The following KCNAB1 variants were observed in gnomAD, a reference collection of about 807,000 sequenced individuals.
The protein encoded by KCNAB1 is voltage-gated potassium channel subunit beta-1.
A neutral mutation model predicts 64.6 loss-of-function variants in KCNAB1; 35 were observed. The ratio of observed to expected loss-of-function variants is 0.54; its 90% CI spans 0.41 to 0.72. The LOEUF is 0.72. Among genes scored for constraint, KCNAB1 ranks in the 30% least tolerant of loss-of-function variants. KCNAB1 has a pLI of 0.00. For synonymous variants in KCNAB1, 177 were observed against 183.8 expected, an observed-to-expected ratio of 0.96 and a Z score of 0.30; for missense variants, 401 against 512.9, an observed-to-expected ratio of 0.78 and a Z score of 2.11.
chr3:156,256,000 A>G (rs1351235778), intron 1 of KCNAB1, among the ~76,000 whole-genome samples: 1 of 152,232 alleles, frequency 6.6e-6, no homozygotes, highest in Admixed American at 6.5e-5. Flanking sequence ...GTAGGTGTTC[A>G]GTAAATATAT....
At chr3:156,273,744 A>G (rs1257902885) in intron 1 of KCNAB1, 3 of 438,848 alleles carry the variant, frequency 6.8e-6, no homozygotes, top group Non-Finnish European at 1.4e-5. Context: ...TAGTTGTCAG[A>G]TTTGGTGTTC....
chr3:156,399,517 C>T (rs987511832), intron 1 of KCNAB1, among the ~76,000 whole-genome samples: 1 of 152,062 alleles, frequency 6.6e-6, no homozygotes. Context: ...AACTAAATTA[C>T]AATGCAAGCA....
chr3:156,457,322 A>C, intron 3 of KCNAB1, 131 bp from the exon 4 acceptor site: 1 of 1,491,660 alleles, frequency 6.7e-7, no homozygotes, highest in East Asian at 2.4e-5. Context: ...TTCCCTCTCC[A>C]CTAAAACTAA....
At chr3:156,512,140 C>A (rs1717254910) in intron 8 of KCNAB1, among the ~76,000 whole-genome samples, 1 of 152,196 alleles carries the variant, frequency 6.6e-6, no homozygotes, top group Non-Finnish European at 1.5e-5. Flanking sequence ...TTTATAATGA[C>A]TTACTTGTTT....
At chr3:156,120,411 G>A (rs1051618826), upstream of KCNAB1, 2 of 647,558 alleles carry the variant, frequency 3.1e-6, no homozygotes, top group Non-Finnish European at 5.4e-6. Context: ...ACAGGTATTG[G>A]CCAGCTTACC....
intron 1 of KCNAB1, among the ~76,000 whole-genome samples, chr3:156,289,879 AGATT>A (rs1720297675): frequency 6.6e-6 from 1 of 152,218 alleles, no homozygotes; most frequent in Non-Finnish European, 1.5e-5. Flanking sequence ...TCACGTAGAT[AGATT>A]GTGTGTCCTG....
chr3:156,427,761 G>T (rs1715915701), intron 2 of KCNAB1, among the ~76,000 whole-genome samples: 1 of 152,134 alleles, frequency 6.6e-6, no homozygotes, highest in African/African-American at 2.4e-5. Context: ...TGGAGACCGG[G>T]GAACCTACCA....
intron 1 of KCNAB1, among the ~76,000 whole-genome samples, chr3:156,412,718 G>A (rs1714757768): frequency 2.0e-5 from 3 of 152,084 alleles, no homozygotes; most frequent in Admixed American, 6.5e-5. Context: ...TGAATCTAGA[G>A]GCAGAAGAGC....
chr3:156,334,414 TC>T (rs1723545137), intron 1 of KCNAB1, among the ~76,000 whole-genome samples: 2 of 152,132 alleles, frequency 1.3e-5, no homozygotes, highest in African/African-American at 2.4e-5. Flanking sequence ...GGAAGGGCCT[TC>T]TCTTTCCTAT....
At chr3:156,241,440 A>T (rs1717158179) in intron 1 of KCNAB1, among the ~76,000 whole-genome samples, 1 of 152,228 alleles carries the variant, frequency 6.6e-6, no homozygotes, top group African/African-American at 2.4e-5. Flanking sequence ...TCTTCTACAC[A>T]GATGACACCC....
At chr3:156,211,184 A>G (rs994885988) in intron 1 of KCNAB1, among the ~76,000 whole-genome samples, 1 of 152,206 alleles carries the variant, frequency 6.6e-6, no homozygotes, top group Non-Finnish European at 1.5e-5. Flanking sequence ...GAATCAAATT[A>G]TCATGACTGA....
intron 2 of KCNAB1, among the ~76,000 whole-genome samples, chr3:156,450,863 AC>A (rs57598632): frequency 0.35 from 35,151 of 100,214 alleles, 8,744 homozygotes; most frequent in African/African-American, 0.68. Flanking sequence ...CCATCCACCC[AC>A]CCCCCCCCAA....
rs76482968 is a variant in KCNAB1 at position 156,448,487 on chromosome 3, G to T, written c.320-4412G>T. 2.5e-4 allele frequency among the ~76,000 whole-genome samples: 38 copies of T among 152,270 alleles called. No individual in the cohort carries two copies. In the East Asian group the frequency reaches 4.8e-3, roughly 19 times the overall value. The stretch of plus-strand genomic sequence containing the variant: ...TGCCCCGTTCCTCTCCAGCAGGAGG[G>T]GATGTGTCCTGTCTGTGAGAGGCAA... On this transcript the variant is annotated intron_variant, in intron 2 of 13. Transcript: ENST00000490337.
intron 1 of KCNAB1, among the ~76,000 whole-genome samples, chr3:156,317,274 A>C (rs1722333588): frequency 6.6e-6 from 1 of 152,174 alleles, no homozygotes; most frequent in Admixed American, 6.5e-5. Flanking sequence ...GTACATTTTC[A>C]CATTGCGTCT....
At chr3:156,462,278 C>G (rs1712973460) in intron 5 of KCNAB1, among the ~76,000 whole-genome samples, 1 of 152,164 alleles carries the variant, frequency 6.6e-6, no homozygotes, top group Non-Finnish European at 1.5e-5. Flanking sequence ...TTACAGGAAG[C>G]CTAACTTTGA....
chr3:156,135,999 C>G (rs908612405), intron 1 of KCNAB1, among the ~76,000 whole-genome samples: 3 of 152,190 alleles, frequency 2.0e-5, no homozygotes, highest in Non-Finnish European at 2.9e-5. Context: ...AAAGCCATCC[C>G]CATCCATTTT....
At chr3:156,327,027 T>G (rs890170450) in intron 1 of KCNAB1, among the ~76,000 whole-genome samples, 3 of 152,232 alleles carry the variant, frequency 2.0e-5, no homozygotes, top group Admixed American at 2.0e-4. Flanking sequence ...CGCAAACCTC[T>G]CTGTGTCTAA....
intron 2 of KCNAB1, among the ~76,000 whole-genome samples, chr3:156,432,864 G>A (rs1248910699): frequency 4.6e-5 from 7 of 152,176 alleles, no homozygotes; most frequent in Admixed American, 1.3e-4. Context: ...GTCTGACTTC[G>A]TTACCTAACC....
chr3:156,173,046 A>G, intron 1 of KCNAB1, among the ~76,000 whole-genome samples: 1 of 152,322 alleles, frequency 6.6e-6, no homozygotes, highest in South Asian at 2.1e-4. Context: ...CATTGAAAGC[A>G]TCTGGCAAGT....
Sources: gnomAD v4.1 joint callset for allele counts (sites outside exome capture counted in the v4.1 genomes callset) on GRCh38, gnomAD v4.1.1 for gene constraint, MANE v1.5 for transcripts, NCBI Gene and HGNC (gene_info 2026-07-23, HGNC 2026-07-21) for gene names.